Variants in SCRN1 observed in about 807,000 individuals in gnomAD.
SCRN1 encodes secernin-1.
In SCRN1, 19 loss-of-function variants were observed where a neutral mutation model predicts 43.3. The ratio of observed to expected loss-of-function variants is 0.44; its 90% confidence interval spans 0.31 to 0.64. The LOEUF (loss-of-function observed/expected upper bound fraction) is 0.64. Among genes scored for constraint, SCRN1 ranks in the 30% least tolerant of loss-of-function variants. SCRN1 has a pLI of 0.09. For missense variants in SCRN1, 447 were observed against 524.1 expected (o/e 0.85, Z 1.44); for synonymous variants, 183 against 188.9 (o/e 0.97, Z 0.26).
Position 29,936,542 on chromosome 7 carries a change from G to T in SCRN1, c.905+14C>A, listed in dbSNP as rs751053642. 3.1e-5 allele frequency: 49 copies of T among 1,556,050 alleles called. No homozygotes were observed. The Admixed American group carries it at 8.5e-4, about 27-fold the overall frequency. ...CACTTATGTTCTGCCTACGTGACCA[G>T]GCCTCGGACAAACCTGGAAGGATCA... On this transcript the variant is annotated intron_variant, in intron 6 of 7. Coordinates refer to ENST00000242059, the MANE Select transcript of SCRN1 (RefSeq NM_014766.5).
chr7:29,947,084 G>T (rs1787759722), intron 3 of SCRN1: 2 of 1,321,384 alleles, frequency 1.5e-6, no homozygotes, highest in African/African-American at 2.9e-5. Flanking sequence ...GCAGGACCAG[G>T]ACAGGGAAGG....
At chr7:29,935,762 T>G (rs926541030) in intron 6 of SCRN1, among the ~76,000 whole-genome samples, 1 of 152,260 alleles carries the variant, frequency 6.6e-6, no homozygotes, top group African/African-American at 2.4e-5. Flanking sequence ...GGCTGCTGTC[T>G]GCCTGGGAGA....
chr7:29,990,037 C>A (rs903724027), upstream of SCRN1: 22 of 1,474,128 alleles, frequency 1.5e-5, no homozygotes, highest in African/African-American at 3.0e-4. Flanking sequence ...ATTTTTATTT[C>A]TTGGTTGTGG....
At chr7:29,947,442 C>G in intron 3 of SCRN1, 2 of 1,280,834 alleles carry the variant, frequency 1.6e-6, no homozygotes, top group Non-Finnish European at 2.1e-6. Context: ...CCTTTTCTAT[C>G]TCAAATCAGG....
intron 4 of SCRN1, among the ~76,000 whole-genome samples, chr7:29,943,651 C>A (rs1401191821): frequency 6.6e-6 from 1 of 152,172 alleles, no homozygotes; most frequent in East Asian, 1.9e-4. Flanking sequence ...TGACCTATTA[C>A]ACAAGAAGAG....
intron 5 of SCRN1, among the ~76,000 whole-genome samples, chr7:29,939,986 CAA>C (rs779960489): frequency 5.3e-5 from 6 of 113,056 alleles, no homozygotes; most frequent in Admixed American, 9.4e-5. Flanking sequence ...CCTGTCTCTA[CAA>C]AAAAAAAAAA....
chr7:29,970,696 TTTA>T (rs1271586542), intron 1 of SCRN1, among the ~76,000 whole-genome samples: 1 of 152,222 alleles, frequency 6.6e-6, no homozygotes, highest in Non-Finnish European at 1.5e-5. Flanking sequence ...TCTTTTCTTG[TTTA>T]TTAATAGTCC....
In SCRN1 at chr7:29,923,682, A is replaced by C. The variant is rs1292015087; in HGVS notation, c.*275T>G. 5 of 319,730 alleles carry C rather than the reference A, an allele frequency of 1.6e-5. No homozygotes were observed. The highest frequency in any genetic ancestry group is 2.3e-5 in the Non-Finnish European group (4 of 173,190). 19.8% of individuals were successfully genotyped at this position (319,730 alleles called of 1,614,324 possible). A position where few individuals can be genotyped will look rare whatever the true frequency, so the allele number is the denominator to read the frequency against. Reference sequence around the variant, plus strand: ...AGGCTAATGTGTCCATTGCCACTGAAATACAATAATAGCAGCTTAAAATCC... The same window carrying C: ...AGGCTAATGTGTCCATTGCCACTGACATACAATAATAGCAGCTTAAAATCC... On this transcript the variant is annotated 3_prime_UTR_variant, in exon 8 of 8. Coordinates refer to ENST00000242059, the MANE Select transcript of SCRN1 (RefSeq NM_014766.5).
At chr7:29,938,257 C>T (rs1269369457) in intron 5 of SCRN1, among the ~76,000 whole-genome samples, 2 of 152,220 alleles carry the variant, frequency 1.3e-5, no homozygotes, top group African/African-American at 2.4e-5. Context: ...TCTTGAACTC[C>T]TGGCCTCAAG....
At position 29,983,671 on chromosome 7, in the gene SCRN1, T is replaced by A. The variant is rs1789064112; in HGVS notation, c.-2+5971A>T. On this transcript the variant is annotated intron_variant, in intron 1 of 7. Transcript: ENST00000242059. ...GTCCATCTGCAAAGGATATGTGGGA[T>A]TAGCCAAGTTTCAGAAATGAAAATT... Among the ~76,000 whole-genome samples, 3 of 152,240 alleles carry A rather than the reference T, an allele frequency of 2.0e-5. No individual in the cohort carries two copies. The South Asian group carries it at 6.2e-4, about 32-fold the overall frequency.
chr7:29,962,440 A>G (rs1355250331), intron 2 of SCRN1, among the ~76,000 whole-genome samples: 1 of 152,020 alleles, frequency 6.6e-6, no homozygotes, highest in African/African-American at 2.4e-5. Flanking sequence ...TAATCCCAAC[A>G]CTTTGGGAAG....
At chr7:29,947,245 T>G in intron 3 of SCRN1, 1 of 1,550,690 alleles carries the variant, frequency 6.4e-7, no homozygotes, top group Non-Finnish European at 8.7e-7. Context: ...TATAGGAAAA[T>G]CTTTCCCTGG....
intron 2 of SCRN1, among the ~76,000 whole-genome samples, chr7:29,961,723 G>A (rs1266749756): frequency 6.6e-5 from 10 of 152,072 alleles, no homozygotes; most frequent in East Asian, 1.9e-4. Context: ...AGTAGGGGCC[G>A]CCGGGCAGAG....
At chr7:29,928,711 A>G (rs1787057603) in intron 6 of SCRN1, among the ~76,000 whole-genome samples, 2 of 152,012 alleles carry the variant, frequency 1.3e-5, no homozygotes, top group South Asian at 4.1e-4. Flanking sequence ...AAGACCCCCT[A>G]AAGACATAGG....
At chr7:29,982,992 C>T (rs952054853) in intron 1 of SCRN1, among the ~76,000 whole-genome samples, 1 of 151,932 alleles carries the variant, frequency 6.6e-6, no homozygotes, top group Non-Finnish European at 1.5e-5. Context: ...GCATGCACCT[C>T]CATGCCCAGC....
Position 29,944,022 on chromosome 7 carries a change from C to T in SCRN1, c.499G>A (p.Val167Met). The T allele has an allele frequency of 3.1e-6, 5 of 1,614,208 alleles. No individual in the cohort carries two copies. Among genetic ancestry groups the T allele is most frequent in the Non-Finnish European group, 4.2e-6 (5 of 1,180,044 alleles). ...CAGTACTTCCCTATGGTCTCGAGCA[C>T]CCAGGCTTCATCACGATCCACAATC... ...YLIVDRDEAW[V>M]LETIGKYWAA... The change falls in exon 4 of 8, where the codon GTG becomes ATG. Residue 167 changes from valine (V) to methionine (M), a missense_variant. Coordinates refer to ENST00000242059, the MANE Select transcript of SCRN1 (RefSeq NM_014766.5).
intron 7 of SCRN1, among the ~76,000 whole-genome samples, chr7:29,924,985 C>CA (rs1424045367): frequency 6.6e-6 from 1 of 152,206 alleles, no homozygotes; most frequent in Non-Finnish European, 1.5e-5. Context: ...ATCTTGAACA[C>CA]ACAGCCCTTT....
intron 7 of SCRN1, among the ~76,000 whole-genome samples, chr7:29,925,566 A>G (rs1197411327): frequency 1.3e-5 from 2 of 152,232 alleles, no homozygotes; most frequent in African/African-American, 4.8e-5. Flanking sequence ...TATAAAGTCC[A>G]TCGGGGTGGC....
At chr7:29,945,661 C>G (rs1787714058) in intron 3 of SCRN1, among the ~76,000 whole-genome samples, 1 of 152,108 alleles carries the variant, frequency 6.6e-6, no homozygotes, top group African/African-American at 2.4e-5. Flanking sequence ...GATAAATGGA[C>G]CCAGCTTCTA....
Sources: allele counts gnomAD v4.1 joint callset (sites outside exome capture counted in the v4.1 genomes callset), GRCh38; gene constraint gnomAD v4.1.1; transcripts MANE v1.5; gene names NCBI Gene and HGNC (gene_info 2026-07-23, HGNC 2026-07-21).